Variants in NINJ2 observed in about 807,000 individuals in gnomAD.
NINJ2 encodes ninjurin 2, also known as ninjurin-2.
A neutral mutation model predicts 11.7 loss-of-function variants in NINJ2; 12 were observed. The ratio of observed to expected loss-of-function variants is 1.02; its 90% CI spans 0.66 to 1.66. The LOEUF is 1.66. Among genes scored for constraint, NINJ2 ranks in the 40% most tolerant of loss-of-function variants. The pLI is 0.00. For synonymous variants in NINJ2, 93 were observed against 76.8 expected, an observed-to-expected ratio of 1.21 and a Z score of -1.10; for missense variants, 187 against 181.8, an observed-to-expected ratio of 1.03 and a Z score of -0.16.
chr12:577,036 T>A (rs1947470977), intron 1 of NINJ2, among the ~76,000 whole-genome samples: 1 of 152,170 alleles, frequency 6.6e-6, no homozygotes, highest in African/African-American at 2.4e-5. Flanking sequence ...TAAATAATGA[T>A]ATTGCTGTAT....
At chr12:600,511 G>A (rs1173785496) in intron 1 of NINJ2, among the ~76,000 whole-genome samples, 3 of 151,998 alleles carry the variant, frequency 2.0e-5, no homozygotes, top group Admixed American at 6.6e-5. Context: ...AGCTGAGATC[G>A]AGCCACTGCA....
At chr12:605,151 T>C (rs1230325714) in intron 1 of NINJ2, among the ~76,000 whole-genome samples, 1 of 152,212 alleles carries the variant, frequency 6.6e-6, no homozygotes, top group African/African-American at 2.4e-5. Context: ...ACCACGTACA[T>C]GTCCCTGACA....
At chr12:653,018 C>CTTTTTTTTTTTTTTTTTTTTTTTTAT in intron 1 of NINJ2, among the ~76,000 whole-genome samples, 1 of 96,200 alleles carries the variant, frequency 1.0e-5, no homozygotes, top group Non-Finnish European at 1.9e-5. Flanking sequence ...TATTTTGTTT[C>CTTTTTTTTTTTTTTTTTTTTTTTTAT]TTTTTTTTTT....
chr12:650,707 T>C (rs1394318447), intron 1 of NINJ2, among the ~76,000 whole-genome samples: 1 of 152,174 alleles, frequency 6.6e-6, no homozygotes, highest in Non-Finnish European at 1.5e-5. Flanking sequence ...TGTATAGGGA[T>C]ATCTTGACAC....
intron 1 of NINJ2, chr12:643,382 G>C: frequency 1.1e-6 from 1 of 935,694 alleles, no homozygotes; most frequent in Non-Finnish European, 1.3e-6. Context: ...CGGAGGAAAG[G>C]GTCGCAGCTG....
chr12:599,249 TG>T (rs1290439979), intron 1 of NINJ2, among the ~76,000 whole-genome samples: 3 of 151,720 alleles, frequency 2.0e-5, no homozygotes, highest in Non-Finnish European at 4.4e-5. Context: ...CCAGGTGTGG[TG>T]GCAGGCGCCT....
chr12:655,217 A>T (rs1180974761), intron 1 of NINJ2, among the ~76,000 whole-genome samples: 1 of 152,216 alleles, frequency 6.6e-6, no homozygotes, highest in Non-Finnish European at 1.5e-5. Flanking sequence ...CAGTATGAAC[A>T]AGTCTTAGCA....
chr12:594,226 G>C (rs1040199493), intron 1 of NINJ2, among the ~76,000 whole-genome samples: 1 of 152,030 alleles, frequency 6.6e-6, no homozygotes, highest in African/African-American at 2.4e-5. Flanking sequence ...GAAAATCCCT[G>C]GAACTAATAA....
At chr12:592,188 A>G (rs1947725226) in intron 1 of NINJ2, among the ~76,000 whole-genome samples, 1 of 151,930 alleles carries the variant, frequency 6.6e-6, no homozygotes, top group African/African-American at 2.4e-5. Context: ...CCAAGTGCAA[A>G]ATGGGATAAA....
At chr12:658,327 A>G (rs1937901580) in intron 1 of NINJ2, among the ~76,000 whole-genome samples, 1 of 152,138 alleles carries the variant, frequency 6.6e-6, no homozygotes. Flanking sequence ...ACAGAATGAT[A>G]CGTAATGCCA....
Position 573,767 on chromosome 12 carries a change from C to T in NINJ2, c.34-7589G>A, listed in dbSNP as rs572285908. On this transcript the variant is annotated intron_variant, in intron 1 of 3. Coordinates refer to ENST00000305108, the MANE Select transcript of NINJ2 (RefSeq NM_016533.6). ...TCCTGAATCTGCAGTGGGGCTGTGT[C>T]CCTGAGCCCCTGCACTGCTGCCTCA... 1.3e-3 allele frequency among the ~76,000 whole-genome samples: 201 copies of T among 152,272 alleles called. 1 individual carries two copies. The highest frequency in any genetic ancestry group is 2.2e-3 in the Non-Finnish European group (148 of 68,004).
intron 1 of NINJ2, chr12:644,411 G>T (rs1378955426): frequency 1.3e-5 from 2 of 152,120 alleles, no homozygotes; most frequent in Non-Finnish European, 2.9e-5. Flanking sequence ...AAATACTACT[G>T]CTATTCCCAT....
intron 1 of NINJ2, among the ~76,000 whole-genome samples, chr12:613,037 T>A (rs1041523908): frequency 6.6e-6 from 1 of 152,110 alleles, no homozygotes; most frequent in Admixed American, 6.5e-5. Context: ...CAGAAAGGCT[T>A]AGTGACATGT....
At chr12:652,834 CTACT>C (rs1184202324) in intron 1 of NINJ2, among the ~76,000 whole-genome samples, 2 of 150,868 alleles carry the variant, frequency 1.3e-5, no homozygotes, top group Non-Finnish European at 3.0e-5. Flanking sequence ...TGTAACCCAG[CTACT>C]TGGGAGGCTG....
At chr12:647,153 C>T (rs1359298144) in intron 1 of NINJ2, among the ~76,000 whole-genome samples, 1 of 152,192 alleles carries the variant, frequency 6.6e-6, no homozygotes, top group African/African-American at 2.4e-5. Flanking sequence ...GCATATTCCC[C>T]CATCCCTCAG....
chr12:658,750 T>C (rs1401257679), intron 1 of NINJ2, among the ~76,000 whole-genome samples: 1 of 152,032 alleles, frequency 6.6e-6, no homozygotes, highest in Non-Finnish European at 1.5e-5. Context: ...TGCTATACTA[T>C]ACTATGCTAT....
intron 2 of NINJ2, chr12:565,695 G>A (rs1483291098): frequency 2.4e-5 from 15 of 616,942 alleles, no homozygotes; most frequent in East Asian, 1.9e-4. Context: ...AGCAGTTAGC[G>A]AGGTGCTGGC....
chr12:615,568 G>A (rs1000939381), intron 1 of NINJ2, among the ~76,000 whole-genome samples: 2 of 152,050 alleles, frequency 1.3e-5, no homozygotes, highest in Non-Finnish European at 2.9e-5. Flanking sequence ...AGCCCCGGGC[G>A]ACAAGAGCGA....
intron 1 of NINJ2, among the ~76,000 whole-genome samples, chr12:638,179 G>A (rs1359420366): frequency 6.6e-6 from 1 of 152,208 alleles, no homozygotes; most frequent in Non-Finnish European, 1.5e-5. Flanking sequence ...CTCCTGCAGA[G>A]ACACCTGTGT....
Sources: allele counts gnomAD v4.1 joint callset (sites outside exome capture counted in the v4.1 genomes callset), GRCh38; gene constraint gnomAD v4.1.1; transcripts MANE v1.5; gene names NCBI Gene and HGNC (gene_info 2026-07-23, HGNC 2026-07-21).